Variants in PTPRD observed in about 807,000 individuals in gnomAD.
PTPRD encodes the protein protein tyrosine phosphatase receptor type D.
In PTPRD, 34 loss-of-function variants were observed where a neutral mutation model predicts 214.5. The observed-to-expected ratio is 0.16, with a 90% CI of 0.12 to 0.21. The LOEUF (loss-of-function observed/expected upper bound fraction) is 0.21, where lower values mean the gene tolerates loss of function less well. Among genes scored for constraint, PTPRD ranks in the 10% least tolerant of loss-of-function variants. The pLI is 1.00. For missense variants in PTPRD, 2,545 were observed against 2,398.7 expected, an observed-to-expected ratio of 1.06 and a Z score of -1.27; for synonymous variants, 1,128 against 845.7, an observed-to-expected ratio of 1.33 and a Z score of -5.79.
Position 8,485,895 on chromosome 9 carries a change from T to C in PTPRD, c.2922A>G (p.Pro974=), listed in dbSNP as rs2096993229. 1 of 1,614,174 alleles carries C rather than the reference T, an allele frequency of 6.2e-7. No homozygotes were observed. Among genetic ancestry groups the C allele is most frequent in the Non-Finnish European group, 8.5e-7 (1 of 1,180,016 alleles). Residue 974 remains proline, a synonymous_variant, in exon 28 of 46, where the codon CCA becomes CCG. Coordinates refer to ENST00000381196, the MANE Select transcript of PTPRD (RefSeq NM_002839.4). ...CAGTGAGTGTCATAGTGGTGTCAGC[T>C]GGAACAATAAGCTGCTCCATCGGGA... is the stretch of plus-strand genomic sequence containing the variant. ...PLLPMEQLIV[P]ADTTMTLTGL... is the part of the protein sequence containing the mutation.
intron 4 of PTPRD, among the ~76,000 whole-genome samples, chr9:9,950,262 T>A (rs146126413): frequency 6.6e-6 from 1 of 152,192 alleles, no homozygotes; most frequent in African/African-American, 2.4e-5. Flanking sequence ...CAGATGGGGA[T>A]GCTGTGAATT....
Position 8,733,714 on chromosome 9 carries a change from G to C in PTPRD, c.64+66C>G, listed in dbSNP as rs2098686384. ...AATGTATTCAGAGGCCCTGAGCCTG[G>C]TGCCAACTGCAAACAAAACCACTCA... On this transcript the variant is annotated intron_variant, in intron 12 of 45. Coordinates refer to ENST00000381196, the MANE Select transcript of PTPRD (RefSeq NM_002839.4). The C allele has an allele frequency of 4.0e-6, 6 of 1,497,186 alleles. No homozygotes were observed. In the South Asian group the frequency reaches 4.8e-5, roughly 12 times the overall value. The allele number at this position is 1,497,186 out of a possible 1,614,324, so 92.7% of individuals were successfully genotyped here.
chr9:9,818,938 A>AT (rs2049748133), intron 5 of PTPRD, among the ~76,000 whole-genome samples: 1 of 142,044 alleles, frequency 7.0e-6, no homozygotes, highest in Non-Finnish European at 1.5e-5. Context: ...AAAAAAAAAA[A>AT]GTTCGTATGT....
intron 9 of PTPRD, among the ~76,000 whole-genome samples, chr9:9,285,589 C>G (rs1949098299): frequency 6.6e-6 from 1 of 151,738 alleles, no homozygotes; most frequent in South Asian, 2.1e-4. Flanking sequence ...CAGATCCCAC[C>G]TCATCTCTTT....
At chr9:9,308,105 CTG>C (rs1957709338) in intron 9 of PTPRD, among the ~76,000 whole-genome samples, 1 of 152,180 alleles carries the variant, frequency 6.6e-6, no homozygotes, top group Non-Finnish European at 1.5e-5. Context: ...GAATGTATAA[CTG>C]TGGCATTTTG....
chr9:9,410,630 G>C (rs2075092884), intron 8 of PTPRD, among the ~76,000 whole-genome samples: 1 of 152,154 alleles, frequency 6.6e-6, no homozygotes, highest in African/African-American at 2.4e-5. Context: ...GGGAAAAGAG[G>C]CTTTGAAACA....
intron 5 of PTPRD, among the ~76,000 whole-genome samples, chr9:9,845,685 C>A (rs1250671595): frequency 6.6e-6 from 1 of 151,924 alleles, no homozygotes; most frequent in Non-Finnish European, 1.5e-5. Flanking sequence ...AAAGAATCTA[C>A]CCATACTCGA....
chr9:9,748,028 G>A (rs977025303), intron 6 of PTPRD, among the ~76,000 whole-genome samples: 2 of 152,072 alleles, frequency 1.3e-5, no homozygotes, highest in Non-Finnish European at 2.9e-5. Context: ...ACAGCTCTTG[G>A]AATCCAGAAA....
chr9:8,683,518 C>T (rs907474950), intron 12 of PTPRD, among the ~76,000 whole-genome samples: 1 of 152,128 alleles, frequency 6.6e-6, no homozygotes, highest in African/African-American at 2.4e-5. Flanking sequence ...TCCAACCTGA[C>T]TCTCAGAACC....
intron 3 of PTPRD, among the ~76,000 whole-genome samples, chr9:10,048,965 T>C (rs185363245): frequency 4.5e-4 from 68 of 152,176 alleles, no homozygotes; most frequent in Admixed American, 1.2e-3. Flanking sequence ...TTTGAGTGAT[T>C]AGGGAGGAGC....
rs1417921669 is a variant in PTPRD, at chr9:8,323,830, T to G, written c.5535-3864A>C. 1.1e-4 allele frequency among the ~76,000 whole-genome samples: 17 copies of G among 152,214 alleles called. 1 individual carries two copies. Among genetic ancestry groups the G allele is most frequent in the Admixed American group, 1.0e-3 (16 of 15,274 alleles). On this transcript the variant is annotated intron_variant, in intron 44 of 45. Coordinates refer to ENST00000381196, the MANE Select transcript of PTPRD (RefSeq NM_002839.4). ...AAAGTTAATAGAAAAGCAGCAGGGT[T>G]GCAGAGGAATGACTCCAATTTTGAA...
At chr9:9,628,189 C>G (rs1249000398) in intron 7 of PTPRD, among the ~76,000 whole-genome samples, 2 of 152,234 alleles carry the variant, frequency 1.3e-5, no homozygotes, top group African/African-American at 4.8e-5. Flanking sequence ...TAATTTTTCT[C>G]CTTCCTGTGG....
intron 11 of PTPRD, among the ~76,000 whole-genome samples, chr9:8,852,084 T>C (rs1414787962): frequency 1.3e-5 from 2 of 152,056 alleles, no homozygotes; most frequent in South Asian, 2.1e-4. Flanking sequence ...TGTCTCTTGT[T>C]ACTTGTGATC....
chr9:9,420,572 A>T (rs2078402328), intron 8 of PTPRD, among the ~76,000 whole-genome samples: 1 of 151,974 alleles, frequency 6.6e-6, no homozygotes, highest in African/African-American at 2.4e-5. Flanking sequence ...GTTTGAAAAC[A>T]GTTCAGATAG....
intron 3 of PTPRD, among the ~76,000 whole-genome samples, chr9:10,260,280 G>C (rs1005044535): frequency 6.6e-6 from 1 of 152,152 alleles, no homozygotes; most frequent in Admixed American, 6.5e-5. Flanking sequence ...GGCAGTTTCA[G>C]AACCTTACCC....
intron 5 of PTPRD, among the ~76,000 whole-genome samples, chr9:9,867,575 C>T (rs1368495608): frequency 1.3e-5 from 2 of 151,968 alleles, no homozygotes; most frequent in Non-Finnish European, 2.9e-5. Context: ...TGACCAGTTG[C>T]TATTTCAAAG....
chr9:8,980,572 C>A (rs1444446220), intron 11 of PTPRD, among the ~76,000 whole-genome samples: 1 of 152,002 alleles, frequency 6.6e-6, no homozygotes, highest in African/African-American at 2.4e-5. Context: ...TATCAACATT[C>A]TCAAGGATAT....
chr9:10,168,663 CAA>C (rs1592999970), intron 3 of PTPRD, among the ~76,000 whole-genome samples: 1 of 151,786 alleles, frequency 6.6e-6, no homozygotes, highest in East Asian at 1.9e-4. Flanking sequence ...AGTTTTTAGC[CAA>C]AAAAGTATTT....
intron 9 of PTPRD, among the ~76,000 whole-genome samples, chr9:9,313,944 T>A (rs905223413): frequency 1.3e-5 from 2 of 152,158 alleles, no homozygotes; most frequent in Admixed American, 1.3e-4. Flanking sequence ...GTCTGTGGAT[T>A]CTTTCCATGT....
Sources: allele counts gnomAD v4.1 joint callset (sites outside exome capture counted in the v4.1 genomes callset), GRCh38; gene constraint gnomAD v4.1.1; transcripts MANE v1.5; gene names NCBI Gene and HGNC (gene_info 2026-07-23, HGNC 2026-07-21).